ZNF599: variants seen among roughly 807,000 people sequenced by gnomAD.
The protein encoded by ZNF599 is zinc finger protein 599.
Under a neutral mutation model 11.7 loss-of-function variants are expected in ZNF599, and 10 were observed. The observed-to-expected ratio is 0.86, with a 90% CI of 0.53 to 1.45. The LOEUF (loss-of-function observed/expected upper bound fraction) is 1.45. Among genes scored for constraint, ZNF599 ranks in the 40% most tolerant of loss-of-function variants. The pLI, the probability that ZNF599 is intolerant of heterozygous loss-of-function variation, is 0.00. For synonymous variants in ZNF599, 232 were observed against 253.2 expected (o/e 0.92, Z 0.79); for missense variants, 688 against 713.6 (o/e 0.96, Z 0.41).
chr19:34,761,658 G>A (rs964167944), intron 3 of ZNF599, among the ~76,000 whole-genome samples: 6 of 152,174 alleles, frequency 3.9e-5, no homozygotes, highest in African/African-American at 1.4e-4. Context: ...TATGATAGAA[G>A]CAGCAGAGAA....
At chr19:34,782,390 C>G in the ZNF599 span, among the ~76,000 whole-genome samples, 8 of 152,252 alleles carry the variant, frequency 5.3e-5, no homozygotes, top group Admixed American at 5.2e-4. Flanking sequence ...GCCTGTAATT[C>G]CTGGCACAGC....
chr19:34,773,217 A>T (rs1001224381), upstream of ZNF599: 1 of 255,728 alleles, frequency 3.9e-6, no homozygotes, highest in Non-Finnish European at 7.4e-6. Context: ...TGGACGCCGG[A>T]AGTCCCGCCC....
rs1202772463 is a variant in ZNF599, at chr19:34,758,853, T to C, written c.*181A>G. ...TATAATTCTTTGGATGACAAGTGAT[T>C]ACCTGCCATAAAAAGATTTCACAGG... On this transcript the variant is annotated 3_prime_UTR_variant, in exon 4 of 4. Coordinates refer to ENST00000329285, the MANE Select transcript of ZNF599 (RefSeq NM_001007248.3). The C allele has an allele frequency of 1.1e-5, 7 of 611,394 alleles. No homozygotes were observed. The highest frequency in any genetic ancestry group is 2.0e-5 in the Non-Finnish European group (7 of 357,182). 37.9% of individuals were successfully genotyped at this position (611,394 alleles called of 1,614,324 possible).
chr19:34,791,923 T>C, the ZNF599 span: 1 of 152,228 alleles, frequency 6.6e-6, no homozygotes, highest in Non-Finnish European at 1.5e-5. Context: ...ACCCTGATCA[T>C]GGAGAAATAG....
the ZNF599 span, among the ~76,000 whole-genome samples, chr19:34,805,197 C>CTTT: frequency 6.6e-4 from 83 of 125,880 alleles, 2 homozygotes; most frequent in East Asian, 1.2e-3. Flanking sequence ...TAAGTGCTAC[C>CTTT]TTTTTTTTTT....
chr19:34,803,267 T>C, the ZNF599 span, among the ~76,000 whole-genome samples: 2 of 152,110 alleles, frequency 1.3e-5, no homozygotes, highest in Non-Finnish European at 2.9e-5. Flanking sequence ...GTAGAGTCCA[T>C]TGTCCTAATG....
chr19:34,773,115 C>T lies in ZNF599; in HGVS notation c.-274G>A, dbSNP rs115245143. ...GTCCTATCCTCCTCACTGTCCGTCT[C>T]TACTCGGTCTCGAAAAGTGGCCCCT... On this transcript the variant is annotated 5_prime_UTR_variant, in exon 1 of 4. Transcript: ENST00000329285. 3.5e-3 allele frequency: 1,485 copies of T among 424,700 alleles called. 22 individuals are homozygous for T. The highest frequency in any genetic ancestry group is 0.028 in the African/African-American group (1,342 of 48,648). The allele number at this position is 424,700 out of a possible 1,614,324, so 26.3% of individuals were successfully genotyped here. A position where few individuals can be genotyped will look rare whatever the true frequency, so the allele number is the denominator to read the frequency against.
chr19:34,792,807 G>C, the ZNF599 span, among the ~76,000 whole-genome samples: 1 of 151,910 alleles, frequency 6.6e-6, no homozygotes, highest in East Asian at 1.9e-4. Flanking sequence ...AGCTTACCGT[G>C]AGCGGAGATC....
the ZNF599 span, among the ~76,000 whole-genome samples, chr19:34,790,258 A>T: frequency 1.3e-5 from 2 of 152,200 alleles, no homozygotes; most frequent in African/African-American, 2.4e-5. Flanking sequence ...ACTTTCCTCC[A>T]GTGTCCTATG....
intron 1 of ZNF599, among the ~76,000 whole-genome samples, chr19:34,770,731 T>C (rs2069178124): frequency 6.6e-6 from 1 of 152,150 alleles, no homozygotes; most frequent in Non-Finnish European, 1.5e-5. Flanking sequence ...TGGGTGAGAA[T>C]GGGATGTTGG....
intron 3 of ZNF599, 95 bp downstream of exon 3, chr19:34,767,221 C>T (rs892527481): frequency 1.1e-5 from 10 of 951,696 alleles, no homozygotes; most frequent in Admixed American, 7.9e-5. Flanking sequence ...CTGCTCAAGA[C>T]CACAAAATAG....
At chr19:34,781,265 A>AAGAG in the ZNF599 span, among the ~76,000 whole-genome samples, 3 of 152,252 alleles carry the variant, frequency 2.0e-5, no homozygotes, top group African/African-American at 7.2e-5. Flanking sequence ...GAAACAAAGA[A>AAGAG]AGAGAGAAGA....
the ZNF599 span, among the ~76,000 whole-genome samples, chr19:34,787,862 C>T: frequency 6.6e-6 from 1 of 152,194 alleles, no homozygotes; most frequent in Non-Finnish European, 1.5e-5. Flanking sequence ...GTTTCTAGCA[C>T]AACCCATCAA....
chr19:34,762,371 CA>C (rs1327672389), intron 3 of ZNF599, among the ~76,000 whole-genome samples: 5 of 152,158 alleles, frequency 3.3e-5, no homozygotes, highest in Non-Finnish European at 7.4e-5. Context: ...TCTATGAAAT[CA>C]TTCAGATAAG....
chr19:34,783,399 A>C, the ZNF599 span, among the ~76,000 whole-genome samples: 1 of 152,148 alleles, frequency 6.6e-6, no homozygotes, highest in Admixed American at 6.5e-5. Flanking sequence ...AATCTGAATA[A>C]TTTTAGTAAG....
At chr19:34,787,277 TCA>T in the ZNF599 span, among the ~76,000 whole-genome samples, 4 of 151,346 alleles carry the variant, frequency 2.6e-5, no homozygotes, top group African/African-American at 9.7e-5. Flanking sequence ...CACAAGACAC[TCA>T]CATACAATGG....
the ZNF599 span, among the ~76,000 whole-genome samples, chr19:34,802,580 CAG>C: frequency 6.6e-6 from 1 of 152,122 alleles, no homozygotes; most frequent in Admixed American, 6.6e-5. Flanking sequence ...ATGTGCAATA[CAG>C]AGAGTTGGGG....
Position 34,759,307 on chromosome 19 carries a change from C to T in ZNF599, c.1494G>A (p.Met498Ile). ...AGGGCTTCTCTCCAGTGTGAATCCT[C>T]ATGTGTCGAGTGAAGGAAGAGCTAT... ...FYYSSSFTRHMRIHTGEKPYV... is the reference protein window; with the variant it reads ...FYYSSSFTRHIRIHTGEKPYV... The change falls in exon 4 of 4, where the codon ATG becomes ATA. Residue 498 changes from methionine to isoleucine, a missense_variant. Transcript: ENST00000329285. 6.2e-7 allele frequency: 1 copy of T among 1,614,222 alleles called. No individual in the cohort carries two copies. The highest frequency in any genetic ancestry group is 8.5e-7 in the Non-Finnish European group (1 of 1,180,048).
chr19:34,767,291 C>T (rs772462432), intron 3 of ZNF599, 25 bp downstream of exon 3: 18 of 1,597,708 alleles, frequency 1.1e-5, no homozygotes, highest in South Asian at 8.8e-5. Context: ...CCCTGATACC[C>T]GCTGCCAGAC....
Sources: gnomAD v4.1 joint callset for allele counts (sites outside exome capture counted in the v4.1 genomes callset) on GRCh38, gnomAD v4.1.1 for gene constraint, MANE v1.5 for transcripts, NCBI Gene and HGNC (gene_info 2026-07-23, HGNC 2026-07-21) for gene names.